MAD1L1: variants seen among roughly 807,000 people sequenced by gnomAD.
The protein encoded by MAD1L1 is mitotic arrest deficient 1 like 1.
A neutral mutation model predicts 96.9 loss-of-function variants in MAD1L1; 95 were observed. The observed-to-expected ratio is 0.98, with a 90% CI of 0.83 to 1.16. The LOEUF is 1.16. Ranked by LOEUF, MAD1L1 falls within the 50% of genes most tolerant of loss-of-function variation. The pLI is 0.00. For missense variants in MAD1L1, 1,007 were observed against 954.4 expected (o/e 1.06, Z -0.73); for synonymous variants, 473 against 396.6 (o/e 1.19, Z -2.29).
intron 11 of MAD1L1, among the ~76,000 whole-genome samples, chr7:2,098,483 G>C (rs960964347): frequency 2.6e-5 from 4 of 152,162 alleles, no homozygotes; most frequent in Admixed American, 1.3e-4. Flanking sequence ...CCTGCTGCCT[G>C]GGGTCCCACC....
chr7:1,920,269 T>C (rs886231550), intron 17 of MAD1L1, among the ~76,000 whole-genome samples: 2 of 152,244 alleles, frequency 1.3e-5, no homozygotes, highest in Admixed American at 6.5e-5. Flanking sequence ...TGTGCGTGTG[T>C]ACACACATTC....
intron 12 of MAD1L1, among the ~76,000 whole-genome samples, chr7:2,015,872 G>C (rs946941906): frequency 2.0e-5 from 3 of 152,336 alleles, no homozygotes; most frequent in Admixed American, 2.0e-4. Flanking sequence ...ATGTGCCCCA[G>C]GGACATCTAA....
At chr7:1,866,112 GC>G (rs2128651260) in intron 18 of MAD1L1, among the ~76,000 whole-genome samples, 1 of 152,364 alleles carries the variant, frequency 6.6e-6, no homozygotes, top group South Asian at 2.1e-4. Flanking sequence ...GTGGGTGGGA[GC>G]ACAGATGCTC....
intron 13 of MAD1L1, among the ~76,000 whole-genome samples, chr7:2,007,059 G>A (rs112319621): frequency 9.9e-5 from 15 of 152,220 alleles, no homozygotes; most frequent in African/African-American, 3.1e-4. Flanking sequence ...TGGGTGAGGA[G>A]AGAGGAATGG....
intron 17 of MAD1L1, among the ~76,000 whole-genome samples, chr7:1,916,442 G>C (rs1788400302): frequency 6.6e-6 from 1 of 152,188 alleles, no homozygotes; most frequent in African/African-American, 2.4e-5. Flanking sequence ...AGAAAGAGGA[G>C]CAAAACACAC....
chr7:1,907,814 G>C (rs550387536), intron 17 of MAD1L1, among the ~76,000 whole-genome samples: 2 of 152,256 alleles, frequency 1.3e-5, no homozygotes, highest in South Asian at 2.1e-4. Flanking sequence ...ACGGGTGCTC[G>C]GCGCGGGATC....
Position 2,219,466 on chromosome 7 carries a change from G to C in MAD1L1, c.472-10C>G. Reference sequence around the variant, plus strand: ...TCAGTGCGTTGATGGTCTAAAAGTAGAGGGGACCAGAGAGCCGCTCAGTGA... The same window carrying C: ...TCAGTGCGTTGATGGTCTAAAAGTACAGGGGACCAGAGAGCCGCTCAGTGA... On this transcript the variant is annotated splice_polypyrimidine_tract_variant and intron_variant, in intron 5 of 18. Transcript: ENST00000265854. The C allele has an allele frequency of 9.3e-6, 15 of 1,612,652 alleles. No homozygotes were observed. Among genetic ancestry groups the C allele is most frequent in the South Asian group, 3.3e-5 (3 of 90,932 alleles).
chr7:1,984,951 T>C (rs1373295146), intron 14 of MAD1L1, among the ~76,000 whole-genome samples: 1 of 152,256 alleles, frequency 6.6e-6, no homozygotes, highest in Non-Finnish European at 1.5e-5. Context: ...GTTGCTTTTA[T>C]AACTCAGCTT....
intron 11 of MAD1L1, among the ~76,000 whole-genome samples, chr7:2,112,593 G>A (rs1020708525): frequency 6.6e-6 from 1 of 152,236 alleles, no homozygotes; most frequent in Non-Finnish European, 1.5e-5. Context: ...AACATGGTGT[G>A]TGCTGACACC....
intron 18 of MAD1L1, among the ~76,000 whole-genome samples, chr7:1,819,919 A>T (rs1475548126): frequency 6.6e-6 from 1 of 152,134 alleles, no homozygotes; most frequent in Non-Finnish European, 1.5e-5. Flanking sequence ...ACTCGAGGGG[A>T]GGAAGCTAGA....
At chr7:1,924,597 AACCT>A (rs1788991906) in intron 17 of MAD1L1, among the ~76,000 whole-genome samples, 1 of 152,214 alleles carries the variant, frequency 6.6e-6, no homozygotes, top group Non-Finnish European at 1.5e-5. Context: ...ACGCTGAGAG[AACCT>A]ACTCTAAAGA....
At chr7:2,168,270 G>A (rs1363253563) in intron 10 of MAD1L1, among the ~76,000 whole-genome samples, 1 of 151,536 alleles carries the variant, frequency 6.6e-6, no homozygotes, top group Non-Finnish European at 1.5e-5. Context: ...GGGTGACAGA[G>A]CGAGACTGTC....
At chr7:2,199,573 TC>T (rs1241086534) in intron 10 of MAD1L1, among the ~76,000 whole-genome samples, 1 of 152,272 alleles carries the variant, frequency 6.6e-6, no homozygotes, top group Non-Finnish European at 1.5e-5. Flanking sequence ...CCCTGGAGTT[TC>T]GATTCCTAAA....
chr7:1,902,353 C>T (rs117187635), intron 17 of MAD1L1, among the ~76,000 whole-genome samples: 5 of 152,174 alleles, frequency 3.3e-5, no homozygotes, highest in African/African-American at 9.7e-5. Flanking sequence ...CAGCCTGAAA[C>T]GCAGAAAATG....
chr7:1,986,080 T>C (rs954989428), intron 14 of MAD1L1, among the ~76,000 whole-genome samples: 3 of 152,242 alleles, frequency 2.0e-5, no homozygotes, highest in African/African-American at 2.4e-5. Flanking sequence ...ATGAGTTTTA[T>C]TGAATCCGGC....
intron 11 of MAD1L1, among the ~76,000 whole-genome samples, chr7:2,081,166 T>G (rs1433741501): frequency 6.9e-6 from 1 of 143,960 alleles, no homozygotes; most frequent in Non-Finnish European, 1.5e-5. Context: ...GAAGGGTGTT[T>G]GGAAACAGAT....
chr7:1,919,708 T>C (rs576710402), intron 17 of MAD1L1, among the ~76,000 whole-genome samples: 9 of 152,234 alleles, frequency 5.9e-5, no homozygotes, highest in Non-Finnish European at 1.3e-4. Flanking sequence ...GTGAGCCACA[T>C]GTCAGAGCTG....
At chr7:1,970,335 T>TA (rs1191844420) in intron 15 of MAD1L1, among the ~76,000 whole-genome samples, 2 of 144,454 alleles carry the variant, frequency 1.4e-5, no homozygotes, top group Non-Finnish European at 3.1e-5. Flanking sequence ...TTTTTACTTT[T>TA]TTTTTTTTTT....
At chr7:2,232,673 G>A (rs1794264633) in intron 1 of MAD1L1, among the ~76,000 whole-genome samples, 199 bp downstream of exon 1, 2 of 152,310 alleles carry the variant, frequency 1.3e-5, no homozygotes, top group Middle Eastern at 3.4e-3. Flanking sequence ...CAGGGGAGTG[G>A]GGAGAGGAGG....
Sources: gnomAD v4.1 joint callset for allele counts (sites outside exome capture counted in the v4.1 genomes callset) on GRCh38, gnomAD v4.1.1 for gene constraint, MANE v1.5 for transcripts, NCBI Gene and HGNC (gene_info 2026-07-23, HGNC 2026-07-21) for gene names.